The following RFFL variants were observed in gnomAD, a reference collection of about 807,000 sequenced individuals.
The protein encoded by RFFL is ring finger and FYVE like domain containing E3 ubiquitin protein ligase.
In RFFL, 16 loss-of-function variants were observed where a neutral mutation model predicts 40.4. The ratio of observed to expected loss-of-function variants is 0.40; its 90% CI spans 0.27 to 0.60. The LOEUF is 0.60. Among genes scored for constraint, RFFL ranks in the 20% least tolerant of loss-of-function variants. The probability of loss-of-function intolerance (pLI) is 0.47; values close to 1 mark genes in which losing one functional copy is unlikely to be tolerated. For missense variants in RFFL, 367 were observed against 451.7 expected (o/e 0.81, Z 1.70); for synonymous variants, 154 against 167.9 (o/e 0.92, Z 0.64).
chr17:35,070,542 T>C (rs1356941320), intron 1 of RFFL, among the ~76,000 whole-genome samples: 1 of 152,190 alleles, frequency 6.6e-6, no homozygotes, highest in African/African-American at 2.4e-5. Context: ...TTTAGGGCCT[T>C]TGGAAGCCAA....
At chr17:35,083,925 A>G (rs941975940) in intron 1 of RFFL, among the ~76,000 whole-genome samples, 1 of 151,618 alleles carries the variant, frequency 6.6e-6, no homozygotes, top group Non-Finnish European at 1.5e-5. Context: ...CCCAAACTTG[A>G]CTGCACATCC....
intron 2 of RFFL, among the ~76,000 whole-genome samples, chr17:35,022,154 G>A (rs1399620569): frequency 6.6e-6 from 1 of 152,162 alleles, no homozygotes; most frequent in African/African-American, 2.4e-5. Flanking sequence ...ATCACCTTGG[G>A]TGTGTAATTT....
intron 1 of RFFL, among the ~76,000 whole-genome samples, chr17:35,026,812 T>C (rs2091044205): frequency 2.0e-5 from 3 of 152,150 alleles, no homozygotes; most frequent in Admixed American, 2.0e-4. Context: ...TTCAAGCGAT[T>C]CTCCAGCCTC....
chr17:35,032,557 T>A (rs1297200347), intron 1 of RFFL, among the ~76,000 whole-genome samples: 1 of 151,996 alleles, frequency 6.6e-6, no homozygotes, highest in Non-Finnish European at 1.5e-5. Context: ...CATGTATCTG[T>A]GTGTGGAGAA....
intron 1 of RFFL, among the ~76,000 whole-genome samples, chr17:35,054,339 A>G (rs2091247814): frequency 6.6e-6 from 1 of 152,214 alleles, no homozygotes; most frequent in African/African-American, 2.4e-5. Context: ...AAGCCATTGC[A>G]TTCCACCATT....
chr17:35,083,696 G>A (rs1006244019), intron 1 of RFFL, among the ~76,000 whole-genome samples: 2 of 151,432 alleles, frequency 1.3e-5, no homozygotes, highest in Non-Finnish European at 2.9e-5. Context: ...CAGGAGAACT[G>A]CTTGAACCCA....
intron 1 of RFFL, among the ~76,000 whole-genome samples, chr17:35,055,777 T>C (rs2091257844): frequency 1.3e-5 from 2 of 152,082 alleles, no homozygotes; most frequent in Non-Finnish European, 2.9e-5. Context: ...TACTGACCAT[T>C]TGCATCCCTA....
rs541022245 is a variant in RFFL, at chr17:35,024,465, C to G, written c.180+1909G>C. Among the ~76,000 whole-genome samples the G allele has an allele frequency of 2.6e-5, 4 of 152,272 alleles. No homozygotes were observed. The South Asian group carries it at 8.3e-4, about 32-fold the overall frequency. ...CTAAAGAGGCTGGGTGCCAGACTCC[C>G]TCCAAAACCGTCAGGGTCGCTGCTA... On this transcript the variant is annotated intron_variant, in intron 2 of 6. Transcript: ENST00000394597.
chr17:35,042,823 C>CAAAAAAAAAAA (rs11296826), intron 1 of RFFL, among the ~76,000 whole-genome samples: 58 of 60,372 alleles, frequency 9.6e-4, no homozygotes, highest in African/African-American at 1.3e-3. Flanking sequence ...GACTCCATCT[C>CAAAAAAAAAAA]AAAAAAAAAA....
intron 1 of RFFL, among the ~76,000 whole-genome samples, chr17:35,085,711 A>G (rs577540188): frequency 1.3e-5 from 2 of 152,348 alleles, no homozygotes; most frequent in East Asian, 3.9e-4. Flanking sequence ...TACAGGAGTG[A>G]GCCACTGCGC....
intron 3 of RFFL, 67 bp from the exon 4 acceptor site, chr17:35,017,673 T>C: frequency 9.5e-7 from 1 of 1,053,172 alleles, no homozygotes. Context: ...ATGGGCCTCT[T>C]TTCAACTCAC....
intron 1 of RFFL, among the ~76,000 whole-genome samples, chr17:35,078,052 T>A (rs2091385742): frequency 6.6e-6 from 1 of 152,208 alleles, no homozygotes; most frequent in South Asian, 2.1e-4. Flanking sequence ...CTTTCTCACA[T>A]AAATTCTTTC....
chr17:35,009,760 CTG>C lies in RFFL; in HGVS notation c.*2206_*2207del, dbSNP rs903869504. 1 of 152,468 alleles carries C rather than the reference CTG, an allele frequency of 6.6e-6. No homozygotes were observed. Among genetic ancestry groups the C allele is most frequent in the African/African-American group, 2.4e-5 (1 of 41,420 alleles). 9.4% of individuals were successfully genotyped at this position (152,468 alleles called of 1,614,324 possible). A position where few individuals can be genotyped will look rare whatever the true frequency, so the allele number is the denominator to read the frequency against. On this transcript the variant is annotated 3_prime_UTR_variant, in exon 7 of 7. Transcript: ENST00000394597. Reference sequence around the variant, plus strand: ...TTTCGATTTGTGTCTAGGAGGGAAACTGAAGAGGAGGTAAGGCTTCAGCAGAG... The same window carrying C: ...TTTCGATTTGTGTCTAGGAGGGAAACAAGAGGAGGTAAGGCTTCAGCAGAG...
intron 1 of RFFL, among the ~76,000 whole-genome samples, chr17:35,083,275 C>G (rs750396352): frequency 7.9e-5 from 12 of 152,166 alleles, no homozygotes; most frequent in Non-Finnish European, 1.3e-4. Flanking sequence ...ACCAAAAACC[C>G]TCCCTCATGA....
Position 35,034,309 on chromosome 17 carries a change from C to A in RFFL, c.-8-7748G>T, listed in dbSNP as rs529705911. On this transcript the variant is annotated intron_variant, in intron 1 of 6. Coordinates refer to ENST00000394597, the MANE Select transcript of RFFL (RefSeq NM_001017368.2). ...ATGCCACAGCACACTCTAGTCTAGG[C>A]ACCACAGAGCAAGTTCCTGTCTCAA... Among the ~76,000 whole-genome samples, 6 of 151,800 alleles carry A rather than the reference C, an allele frequency of 4.0e-5. No homozygotes were observed. In the East Asian group the frequency reaches 1.2e-3, roughly 29 times the overall value.
At chr17:35,051,973 T>C (rs140867919) in intron 1 of RFFL, among the ~76,000 whole-genome samples, 1 of 152,332 alleles carries the variant, frequency 6.6e-6, no homozygotes, top group African/African-American at 2.4e-5. Flanking sequence ...AAGTAAACAC[T>C]GGGCAACAAA....
rs2090904903 is a variant in RFFL at position 35,007,706 on chromosome 17, C to T, written c.*4262G>A. ...GGAGGTTTGTACAAGCCTGCGCACA[C>T]ACAGCAGTCTGTCACGAGGCTGGGC... On this transcript the variant is annotated 3_prime_UTR_variant, in exon 7 of 7. Transcript: ENST00000394597. 1 of 152,136 alleles carries T rather than the reference C, an allele frequency of 6.6e-6. No homozygotes were observed. Among genetic ancestry groups the T allele is most frequent in the African/African-American group, 2.4e-5 (1 of 41,422 alleles). 9.4% of individuals were successfully genotyped at this position (152,136 alleles called of 1,614,324 possible). A position where few individuals can be genotyped will look rare whatever the true frequency, so the allele number is the denominator to read the frequency against.
chr17:35,076,319 AG>A lies in RFFL; in HGVS notation c.-9+12785del, dbSNP rs1185510310. 4.6e-5 allele frequency among the ~76,000 whole-genome samples: 7 copies of A among 152,080 alleles called. No individual in the cohort carries two copies. In the South Asian group the frequency reaches 8.3e-4, roughly 18 times the overall value. On this transcript the variant is annotated intron_variant, in intron 1 of 6. Transcript: ENST00000315249. ...CTCAATTTACTCTTAAATATATTAA[AG>A]GTTGGCTACTGTGGGCACATTGCCT...
At chr17:35,074,604 G>T in intron 1 of RFFL, among the ~76,000 whole-genome samples, 1 of 152,072 alleles carries the variant, frequency 6.6e-6, no homozygotes, top group East Asian at 1.9e-4. Context: ...TTCTCTGTGC[G>T]GCATTTTCAC....
Sources: gnomAD v4.1 joint callset for allele counts (sites outside exome capture counted in the v4.1 genomes callset) on GRCh38, gnomAD v4.1.1 for gene constraint, MANE v1.5 for transcripts, NCBI Gene and HGNC (gene_info 2026-07-23, HGNC 2026-07-21) for gene names.